GRID2: variants seen among roughly 807,000 people sequenced by gnomAD.
The protein encoded by GRID2 is glutamate ionotropic receptor delta type subunit 2.
A neutral mutation model predicts 114.8 loss-of-function variants in GRID2; 33 were observed. The observed-to-expected ratio is 0.29, with a 90% CI of 0.22 to 0.38. The LOEUF is 0.38. Among genes scored for constraint, GRID2 ranks in the 10% least tolerant of loss-of-function variants. GRID2 has a pLI of 1.00. For synonymous variants in GRID2, 505 were observed against 449.9 expected, an observed-to-expected ratio of 1.12 and a Z score of -1.55; for missense variants, 1,184 against 1,257.7, an observed-to-expected ratio of 0.94 and a Z score of 0.89.
chr4:93,442,749 A>C (rs1721738779), intron 10 of GRID2, among the ~76,000 whole-genome samples: 1 of 151,948 alleles, frequency 6.6e-6, no homozygotes, highest in Admixed American at 6.6e-5. Flanking sequence ...CCACTTCCCC[A>C]ATTGTTTCTT....
chr4:92,631,552 T>A (rs1730809317), intron 2 of GRID2, among the ~76,000 whole-genome samples: 1 of 152,140 alleles, frequency 6.6e-6, no homozygotes, highest in African/African-American at 2.4e-5. Flanking sequence ...TTTCATTTTT[T>A]AAATTATTTT....
chr4:92,591,855 T>C (rs1202953806), intron 2 of GRID2, among the ~76,000 whole-genome samples: 1 of 152,066 alleles, frequency 6.6e-6, no homozygotes, highest in Non-Finnish European at 1.5e-5. Flanking sequence ...AATAGGATAA[T>C]AATGTTTATA....
chr4:93,052,432 G>A (rs72885763), intron 2 of GRID2, among the ~76,000 whole-genome samples: 4,593 of 151,960 alleles, frequency 0.03, 87 homozygotes, highest in East Asian at 0.053. Flanking sequence ...ACAAACCTAC[G>A]TGGTATAGCC....
chr4:93,782,026 A>C (rs1231052673), intron 1 of GRID2, among the ~76,000 whole-genome samples: 1 of 152,194 alleles, frequency 6.6e-6, no homozygotes, highest in African/African-American at 2.4e-5. Flanking sequence ...TTGTATTAAA[A>C]GTAGTTCTCC....
chr4:92,919,711 G>A (rs1355051204), intron 2 of GRID2, among the ~76,000 whole-genome samples: 2 of 152,204 alleles, frequency 1.3e-5, no homozygotes, highest in African/African-American at 4.8e-5. Context: ...ACTGTGGTCT[G>A]AGAGACAGTT....
intron 1 of GRID2, among the ~76,000 whole-genome samples, chr4:92,311,389 C>T (rs905878130): frequency 6.6e-6 from 1 of 151,926 alleles, no homozygotes; most frequent in Non-Finnish European, 1.5e-5. Context: ...CTGAGTTGAC[C>T]CCGAAAGCTT....
At chr4:92,564,004 C>T (rs568962817) in intron 1 of GRID2, among the ~76,000 whole-genome samples, 1 of 152,148 alleles carries the variant, frequency 6.6e-6, no homozygotes, top group South Asian at 2.1e-4. Context: ...TATTCTTCTA[C>T]ATAACATTCT....
chr4:93,670,888 G>C (rs1428998274), intron 14 of GRID2, among the ~76,000 whole-genome samples: 1 of 152,144 alleles, frequency 6.6e-6, no homozygotes. Flanking sequence ...TGATTCTTTC[G>C]GGAAGACCAG....
chr4:92,829,347 C>T (rs1304518979), intron 2 of GRID2, among the ~76,000 whole-genome samples: 1 of 152,058 alleles, frequency 6.6e-6, no homozygotes, highest in African/African-American at 2.4e-5. Context: ...AGGTCATCAT[C>T]ACTGGTCATT....
intron 10 of GRID2, among the ~76,000 whole-genome samples, chr4:93,430,187 T>C (rs1291387347): frequency 6.6e-6 from 1 of 152,094 alleles, no homozygotes; most frequent in African/African-American, 2.4e-5. Flanking sequence ...TATTATTTTA[T>C]TTATTTATTT....
exon 2 of GRID2, chr4:93,808,092 A>G (rs1025058237): frequency 2.0e-5 from 3 of 152,172 alleles, no homozygotes; most frequent in Non-Finnish European, 4.4e-5. Flanking sequence ...TAGTGATCCC[A>G]TGGGTTCTTT....
chr4:93,016,181 TACTA>T (rs1346352061), intron 2 of GRID2, among the ~76,000 whole-genome samples: 5 of 151,852 alleles, frequency 3.3e-5, no homozygotes, highest in African/African-American at 1.2e-4. Flanking sequence ...AAGGTAATAA[TACTA>T]AAGAAAGAGG....
intron 1 of GRID2, among the ~76,000 whole-genome samples, chr4:92,503,840 A>G (rs1266606879): frequency 6.6e-6 from 1 of 152,170 alleles, no homozygotes; most frequent in Non-Finnish European, 1.5e-5. Context: ...GATCTATTAT[A>G]GAATAATCAT....
At chr4:92,676,857 A>G (rs879779666) in intron 2 of GRID2, among the ~76,000 whole-genome samples, 1 of 152,162 alleles carries the variant, frequency 6.6e-6, no homozygotes, top group African/African-American at 2.4e-5. Flanking sequence ...AATAACCAAA[A>G]GGTGGAAGCA....
intron 2 of GRID2, among the ~76,000 whole-genome samples, chr4:92,680,616 C>A (rs1241087692): frequency 6.6e-6 from 1 of 152,012 alleles, no homozygotes; most frequent in Non-Finnish European, 1.5e-5. Context: ...AGATGAACAG[C>A]ATAAAGAATA....
intron 5 of GRID2, among the ~76,000 whole-genome samples, chr4:93,215,263 T>A (rs528033915): frequency 1.3e-5 from 2 of 152,030 alleles, no homozygotes. Context: ...ACTTAGTTAA[T>A]GTTATGAGAA....
chr4:92,703,936 G>A (rs998636671), intron 2 of GRID2, among the ~76,000 whole-genome samples: 3 of 151,886 alleles, frequency 2.0e-5, no homozygotes, highest in Non-Finnish European at 4.4e-5. Flanking sequence ...TGAAAATTGA[G>A]AGCCCAACTC....
intron 9 of GRID2, among the ~76,000 whole-genome samples, chr4:93,421,546 A>G (rs747558966): frequency 6.6e-6 from 1 of 152,232 alleles, no homozygotes; most frequent in African/African-American, 2.4e-5. Flanking sequence ...TTATAGATGA[A>G]CATCAAACTT....
At chr4:92,604,555 T>C (rs140336929) in intron 2 of GRID2, among the ~76,000 whole-genome samples, 146 of 152,006 alleles carry the variant, frequency 9.6e-4, no homozygotes, top group African/African-American at 3.4e-3. Flanking sequence ...AGAGAAAGCA[T>C]CAGGATAAAT....
Sources: allele counts gnomAD v4.1 joint callset (sites outside exome capture counted in the v4.1 genomes callset), GRCh38; gene constraint gnomAD v4.1.1; transcripts MANE v1.5; gene names NCBI Gene and HGNC (gene_info 2026-07-23, HGNC 2026-07-21).